Variants in OLFML2B observed in about 807,000 individuals in gnomAD.
The protein encoded by OLFML2B is olfactomedin like 2B.
Under a neutral mutation model 74.9 loss-of-function variants are expected in OLFML2B, and 57 were observed. The observed-to-expected ratio is 0.76, with a 90% confidence interval of 0.61 to 0.95. The LOEUF (loss-of-function observed/expected upper bound fraction) is 0.95. OLFML2B is among the 40% of genes least tolerant of loss of function. The pLI is 0.00. For synonymous variants in OLFML2B, 388 were observed against 405.8 expected, an observed-to-expected ratio of 0.96 and a Z score of 0.53; for missense variants, 986 against 970.6, an observed-to-expected ratio of 1.02 and a Z score of -0.21.
chr1:161,993,813 C>T (rs1006836116), intron 6 of OLFML2B, among the ~76,000 whole-genome samples: 15 of 152,260 alleles, frequency 9.9e-5, no homozygotes, highest in Admixed American at 6.5e-4. Context: ...AGAAGTGATA[C>T]GACGCCCCTG....
chr1:162,011,650 G>T (rs1285976926), intron 3 of OLFML2B, among the ~76,000 whole-genome samples: 1 of 152,218 alleles, frequency 6.6e-6, no homozygotes, highest in Non-Finnish European at 1.5e-5. Flanking sequence ...AAACAGCTGT[G>T]GAGCATCTGT....
chr1:162,017,304 G>T, intron 3 of OLFML2B, 96 bp downstream of exon 3: 1 of 859,304 alleles, frequency 1.2e-6, no homozygotes, highest in South Asian at 1.5e-5. Flanking sequence ...GTTAAGTCTA[G>T]TCAGCACATG....
At chr1:161,985,748 G>A (rs1689576344) in intron 6 of OLFML2B, among the ~76,000 whole-genome samples, 1 of 152,182 alleles carries the variant, frequency 6.6e-6, no homozygotes, top group Non-Finnish European at 1.5e-5. Flanking sequence ...GGATGCCAGG[G>A]CCCTCTGCTG....
chr1:162,014,066 G>A (rs547382726), intron 3 of OLFML2B, among the ~76,000 whole-genome samples: 31 of 152,226 alleles, frequency 2.0e-4, no homozygotes, highest in African/African-American at 6.7e-4. Context: ...AAGGATAAAG[G>A]TTCCCCTGAG....
chr1:162,006,343 C>T lies in OLFML2B; in HGVS notation c.677G>A (p.Arg226His), dbSNP rs766546387. The T allele has an allele frequency of 4.5e-5, 72 of 1,611,076 alleles. No homozygotes were observed. The highest frequency in any genetic ancestry group is 5.9e-5 in the Non-Finnish European group (70 of 1,178,980). The stretch of plus-strand genomic sequence containing the variant: ...TGCTGCATCCCTCTGCAGGGCTGAG[C>T]GGATGTCTGGCATGCTATCTAGGAT... ...ENILDSMPDIRSALQRDAAAA... is the reference protein window; with the variant it reads ...ENILDSMPDIHSALQRDAAAA... The change falls in exon 4 of 8, where the codon CGC (arginine) becomes CAC (histidine). Residue 226 changes from arginine to histidine, a missense_variant. Transcript: ENST00000294794.
intron 6 of OLFML2B, among the ~76,000 whole-genome samples, chr1:161,996,762 G>A (rs928414060): frequency 9.9e-5 from 15 of 152,046 alleles, no homozygotes; most frequent in African/African-American, 3.1e-4. Context: ...CTTGGGCCAC[G>A]GAGCTCCCAG....
intron 1 of OLFML2B, among the ~76,000 whole-genome samples, chr1:162,021,048 T>C (rs1690690456): frequency 1.3e-5 from 2 of 151,800 alleles, no homozygotes; most frequent in Admixed American, 6.6e-5. Flanking sequence ...GAGTACAGAG[T>C]GATAAGTGCC....
At chr1:161,986,712 G>A (rs529915863) in intron 6 of OLFML2B, among the ~76,000 whole-genome samples, 1 of 152,268 alleles carries the variant, frequency 6.6e-6, no homozygotes, top group Non-Finnish European at 1.5e-5. Context: ...CAGGGCCCTG[G>A]CTGCCAATGA....
intron 3 of OLFML2B, among the ~76,000 whole-genome samples, chr1:162,010,050 C>T (rs1280339332): frequency 6.6e-6 from 1 of 152,164 alleles, no homozygotes; most frequent in East Asian, 1.9e-4. Context: ...AGGTGGGAAT[C>T]GTGCCTATCT....
In OLFML2B at chr1:162,013,387, G is replaced by A. The variant is rs556690846; in HGVS notation, c.546+4013C>T. ...GTTTCAGACCTCCCCCAGTGAACTG[G>A]AAAGATATTTTTGGAGTTAAGTTTC... is the stretch of plus-strand genomic sequence containing the variant. On this transcript the variant is annotated intron_variant, in intron 3 of 7. Transcript: ENST00000294794. 4.6e-5 allele frequency among the ~76,000 whole-genome samples: 7 copies of A among 152,252 alleles called. 1 individual carries two copies. The South Asian group carries it at 1.4e-3, about 32-fold the overall frequency.
At chr1:161,986,869 A>C (rs10918378) in intron 6 of OLFML2B, among the ~76,000 whole-genome samples, 31,323 of 152,248 alleles carry the variant, frequency 0.21, 3,408 homozygotes, top group African/African-American at 0.24. Context: ...CAAGCCCCAC[A>C]GATGGCCATG....
chr1:161,998,813 A>G (rs887356227), intron 5 of OLFML2B, among the ~76,000 whole-genome samples: 3 of 152,208 alleles, frequency 2.0e-5, no homozygotes, highest in Non-Finnish European at 2.9e-5. Flanking sequence ...TGTAGGGTAA[A>G]GAGGGTCAAA....
intron 5 of OLFML2B, among the ~76,000 whole-genome samples, chr1:161,999,015 G>A (rs975866850): frequency 3.3e-5 from 5 of 152,212 alleles, no homozygotes; most frequent in Non-Finnish European, 4.4e-5. Context: ...AGCGGCCCAG[G>A]AGCAGCGAGG....
chr1:161,999,687 TGAA>T (rs1462800214), intron 5 of OLFML2B, among the ~76,000 whole-genome samples: 23 of 151,858 alleles, frequency 1.5e-4, no homozygotes, highest in African/African-American at 4.6e-4. Flanking sequence ...CCATGAAAAA[TGAA>T]GAAGGACAGA....
intron 5 of OLFML2B, among the ~76,000 whole-genome samples, chr1:161,998,942 G>A (rs1326687202): frequency 6.6e-6 from 1 of 152,300 alleles, no homozygotes; most frequent in African/African-American, 2.4e-5. Context: ...AGCAGCCATC[G>A]GGCACAAAGA....
intron 1 of OLFML2B, among the ~76,000 whole-genome samples, chr1:162,021,041 T>C (rs1368762824): frequency 6.6e-6 from 1 of 151,842 alleles, no homozygotes; most frequent in Non-Finnish European, 1.5e-5. Flanking sequence ...TCACACAGAG[T>C]ACAGAGTGAT....
At chr1:161,990,479 G>A (rs1455204770) in intron 6 of OLFML2B, among the ~76,000 whole-genome samples, 7 of 152,172 alleles carry the variant, frequency 4.6e-5, no homozygotes, top group Admixed American at 3.3e-4. Flanking sequence ...ACACTATACT[G>A]CAGTCTATTA....
intron 6 of OLFML2B, among the ~76,000 whole-genome samples, chr1:161,996,246 A>T (rs1194221037): frequency 1.3e-5 from 2 of 152,196 alleles, no homozygotes; most frequent in Non-Finnish European, 2.9e-5. Context: ...AAAACACCAT[A>T]AGGAGAGAGA....
intron 2 of OLFML2B, among the ~76,000 whole-genome samples, chr1:162,018,353 T>C (rs1044107365): frequency 1.3e-5 from 2 of 152,224 alleles, no homozygotes; most frequent in Non-Finnish European, 2.9e-5. Context: ...CCAAGATAGC[T>C]GGCTCATAAC....
Sources: allele counts gnomAD v4.1 joint callset (sites outside exome capture counted in the v4.1 genomes callset), GRCh38; gene constraint gnomAD v4.1.1; transcripts MANE v1.5; gene names NCBI Gene and HGNC (gene_info 2026-07-23, HGNC 2026-07-21).